Variants in RHOH observed in about 807,000 individuals in gnomAD.
The protein encoded by RHOH is ras homolog family member H.
A neutral mutation model predicts 13.8 loss-of-function variants in RHOH; 6 were observed. The ratio of observed to expected loss-of-function variants is 0.44; its 90% confidence interval spans 0.24 to 0.86. The LOEUF (loss-of-function observed/expected upper bound fraction) is 0.86, where lower values mean the gene tolerates loss of function less well. RHOH is among the 40% of genes least tolerant of loss of function. The probability of loss-of-function intolerance (pLI) is 0.24; values close to 1 mark genes in which losing one functional copy is unlikely to be tolerated. For missense variants in RHOH, 147 were observed against 244.5 expected (o/e 0.60, Z 2.66); for synonymous variants, 117 against 103.0 (o/e 1.14, Z -0.82).
chr4:40,213,471 A>G (rs149980729), intron 1 of RHOH, among the ~76,000 whole-genome samples: 4 of 152,078 alleles, frequency 2.6e-5, no homozygotes, highest in African/African-American at 9.6e-5. Context: ...AGGTTTTAAA[A>G]TTTAATTTTA....
At chr4:40,191,935 G>GTT (rs112598152), upstream of RHOH, among the ~76,000 whole-genome samples, 16 of 146,286 alleles carry the variant, frequency 1.1e-4, no homozygotes, top group African/African-American at 3.7e-4. Flanking sequence ...AGGGAGGCTG[G>GTT]TTTTTTTTTT....
At chr4:40,194,019 GA>G (rs1380987376), upstream of RHOH, among the ~76,000 whole-genome samples, 1 of 152,134 alleles carries the variant, frequency 6.6e-6, no homozygotes, top group Non-Finnish European at 1.5e-5. Context: ...AGATGGAGGG[GA>G]TCTGTCCATA....
At chr4:40,225,863 C>A (rs1157439358) in intron 1 of RHOH, among the ~76,000 whole-genome samples, 1 of 152,124 alleles carries the variant, frequency 6.6e-6, no homozygotes, top group African/African-American at 2.4e-5. Context: ...AGAGGCTGGA[C>A]TGCCAGAGTC....
At position 40,246,353 on chromosome 4, in the gene RHOH, G is replaced by C. The variant is rs557675556; in HGVS notation, c.*2391G>C. On this transcript the variant is annotated 3_prime_UTR_variant, in exon 3 of 3. Transcript: ENST00000381799. ...GTGAAGGAAGAGGAGGTGGTTCCACGGTGGCAGCAGAGCAGGAAGGGAAGG... is the reference window on the plus strand; with the variant it reads ...GTGAAGGAAGAGGAGGTGGTTCCACCGTGGCAGCAGAGCAGGAAGGGAAGG... 73 of 152,686 alleles carry C rather than the reference G, an allele frequency of 4.8e-4. No homozygotes were observed. The highest frequency in any genetic ancestry group is 1.7e-3 in the African/African-American group (70 of 41,572). The allele number at this position is 152,686 out of a possible 1,614,324, so 9.5% of individuals were successfully genotyped here. A position where few individuals can be genotyped will look rare whatever the true frequency, so the allele number is the denominator to read the frequency against.
In RHOH at chr4:40,243,177, G is replaced by C. The variant is rs1339151149; in HGVS notation, c.-209-1G>C. On this transcript the variant is annotated splice_acceptor_variant, in intron 2 of 2. Transcript: ENST00000381799. LOFTEE classifies it low-confidence loss of function (5UTR_SPLICE). The surrounding 1 kb of genome is among the most constrained non-coding windows in gnomAD (Gnocchi z 6.2). ...TTTTCCCCCTTCTCTTTCTGTTCCA[G>C]TTGAAGACTAGGCTTTGGAGGTTTT... is the stretch of plus-strand genomic sequence containing the variant. 2 of 460,034 alleles carry C rather than the reference G, an allele frequency of 4.3e-6. No homozygotes were observed. Among genetic ancestry groups the C allele is most frequent in the African/African-American group, 4.0e-5 (2 of 49,956 alleles). 28.5% of individuals were successfully genotyped at this position (460,034 alleles called of 1,614,324 possible).
At chr4:40,193,378 G>C (rs919914704), upstream of RHOH, among the ~76,000 whole-genome samples, 1 of 152,174 alleles carries the variant, frequency 6.6e-6, no homozygotes, top group South Asian at 2.1e-4. Context: ...CCTGGGGCTT[G>C]GGTGCGTGTA....
At chr4:40,201,002 T>C (rs748075254) in intron 1 of RHOH, among the ~76,000 whole-genome samples, 22 of 152,226 alleles carry the variant, frequency 1.4e-4, no homozygotes, top group Admixed American at 7.9e-4. Context: ...AAAACTGAAG[T>C]CACAGTGACC....
At chr4:40,238,954 CT>C (rs1346315466) in intron 1 of RHOH, among the ~76,000 whole-genome samples, 2 of 152,198 alleles carry the variant, frequency 1.3e-5, no homozygotes, top group Non-Finnish European at 2.9e-5. Context: ...CAGCTCACTC[CT>C]GGACACATGT....
chr4:40,195,860 GTGGAAGTCT>G (rs1217735783), upstream of RHOH, among the ~76,000 whole-genome samples: 2 of 152,220 alleles, frequency 1.3e-5, no homozygotes, highest in African/African-American at 4.8e-5. Flanking sequence ...ATGGGTTCAT[GTGGAAGTCT>G]TGTGAACTTG....
intron 1 of RHOH, among the ~76,000 whole-genome samples, chr4:40,228,085 G>A (rs1244748418): frequency 6.6e-6 from 1 of 152,064 alleles, no homozygotes; most frequent in Non-Finnish European, 1.5e-5. Context: ...TCCAACAGTA[G>A]GCAATTGGTT....
At chr4:40,198,044 A>C in intron 1 of RHOH, among the ~76,000 whole-genome samples, 1 of 152,346 alleles carries the variant, frequency 6.6e-6, no homozygotes, top group African/African-American at 2.4e-5. Flanking sequence ...GAAATATTTT[A>C]AAAATCTCTA....
At chr4:40,212,474 G>A (rs1725380481) in intron 1 of RHOH, among the ~76,000 whole-genome samples, 1 of 152,160 alleles carries the variant, frequency 6.6e-6, no homozygotes, top group Admixed American at 6.5e-5. Context: ...CACTTAGCTG[G>A]GAATGGGCGA....
chr4:40,231,002 T>A (rs1727861162), intron 1 of RHOH, among the ~76,000 whole-genome samples: 1 of 152,172 alleles, frequency 6.6e-6, no homozygotes, highest in Non-Finnish European at 1.5e-5. Context: ...AGGAAGCACT[T>A]CTTCAAAACT....
chr4:40,198,131 A>C (rs1268006665), intron 1 of RHOH, among the ~76,000 whole-genome samples: 1 of 152,212 alleles, frequency 6.6e-6, no homozygotes, highest in Admixed American at 6.5e-5. Context: ...GAATTCAGTG[A>C]TGAGTGGGGC....
chr4:40,216,328 G>A (rs1725884745), intron 1 of RHOH, among the ~76,000 whole-genome samples: 1 of 151,866 alleles, frequency 6.6e-6, no homozygotes, highest in South Asian at 2.1e-4. Flanking sequence ...AACTAGCCGG[G>A]CGTGGTGGCA....
chr4:40,240,481 T>C (rs1729114139), intron 1 of RHOH: 1 of 151,828 alleles, frequency 6.6e-6, no homozygotes, highest in Non-Finnish European at 1.5e-5. Flanking sequence ...AAAAAATAAA[T>C]AAAGGTGGCC....
intron 1 of RHOH, among the ~76,000 whole-genome samples, chr4:40,225,014 A>T (rs1233545501): frequency 6.6e-6 from 1 of 152,156 alleles, no homozygotes; most frequent in Non-Finnish European, 1.5e-5. Context: ...GGCTCAAGCC[A>T]TTCCCTGTCT....
intron 1 of RHOH, among the ~76,000 whole-genome samples, chr4:40,208,084 G>A (rs1270430932): frequency 6.6e-6 from 1 of 150,518 alleles, no homozygotes; most frequent in African/African-American, 2.4e-5. Context: ...ACCTGTGACC[G>A]ATCAACCTTA....
intron 1 of RHOH, among the ~76,000 whole-genome samples, chr4:40,225,621 A>G (rs1010488665): frequency 6.6e-6 from 1 of 152,218 alleles, no homozygotes; most frequent in African/African-American, 2.4e-5. Context: ...TCTGCTCATC[A>G]AATGGTGTGT....
Sources: gnomAD v4.1 joint callset for allele counts (sites outside exome capture counted in the v4.1 genomes callset) on GRCh38, gnomAD v4.1.1 for gene constraint, Gnocchi (gnomAD v3.1) non-coding constraint, MANE v1.5 for transcripts, NCBI Gene and HGNC (gene_info 2026-07-23, HGNC 2026-07-21) for gene names.